SPEN: variants seen among roughly 807,000 people sequenced by gnomAD.
The protein encoded by SPEN is msx2-interacting protein.
In SPEN, 18 loss-of-function variants were observed where a neutral mutation model predicts 269.9. The observed-to-expected ratio is 0.07, with a 90% confidence interval of 0.05 to 0.10. The LOEUF is 0.10. Among genes scored for constraint, SPEN ranks in the 10% least tolerant of loss-of-function variants. The pLI, the probability that SPEN is intolerant of heterozygous loss-of-function variation, is 1.00. For missense variants in SPEN, 3,822 were observed against 4,631.2 expected (o/e 0.83, Z 5.07); for synonymous variants, 1,726 against 1,765.7 (o/e 0.98, Z 0.56).
Position 15,894,536 on chromosome 1 carries a change from GTTTTTTTTT to G in SPEN, c.882-14770_882-14762del, listed in dbSNP as rs766111268. Among the ~76,000 whole-genome samples the G allele has an allele frequency of 6.7e-3, 676 of 100,418 alleles. 6 individuals carry two copies. The highest frequency in any genetic ancestry group is 0.026 in the African/African-American group (630 of 23,972). The allele number at this position is 100,418 out of a possible 152,430, so 65.9% of individuals were successfully genotyped here. On this transcript the variant is annotated intron_variant, in intron 3 of 14. Transcript: ENST00000375759. The stretch of plus-strand genomic sequence containing the variant: ...ATCCTAAAACTACCATATTATGGTT[GTTTTTTTTT>G]TTTTTTTTTTTTTTGAGACGGAGTC...
chr1:15,856,769 T>C (rs1022661400), intron 1 of SPEN, among the ~76,000 whole-genome samples: 16 of 152,086 alleles, frequency 1.1e-4, no homozygotes, highest in African/African-American at 3.6e-4. Flanking sequence ...GGTTTCACCA[T>C]GTTGGCTAGG....
rs370972899 is a variant in SPEN at position 15,855,990 on chromosome 1, C to CCTTTTTTTTTTTTTTTTTTTTTTTTT, written c.83+7840_83+7841insCTTTTTTTTTTTTTTTTTTTTTTTTT. On this transcript the variant is annotated intron_variant, in intron 1 of 14. Transcript: ENST00000375759. Reference sequence around the variant, plus strand: ...TTATTGTGTGAAAAGGATGCTAGAACTTTTTTTTTTTTTTTTTTTTGAGAC... The same window carrying CCTTTTTTTTTTTTTTTTTTTTTTTTT: ...TTATTGTGTGAAAAGGATGCTAGAACCTTTTTTTTTTTTTTTTTTTTTTTTTTTTTTTTTTTTTTTTTTTTTGAGAC... 2.1e-4 allele frequency among the ~76,000 whole-genome samples: 6 copies of CCTTTTTTTTTTTTTTTTTTTTTTTTT among 28,220 alleles called. 3 individuals are homozygous for CCTTTTTTTTTTTTTTTTTTTTTTTTT. The highest frequency in any genetic ancestry group is 2.1e-4 in the African/African-American group (2 of 9,682). The allele number at this position is 28,220 out of a possible 152,430, so 18.5% of individuals were successfully genotyped here.
At chr1:15,926,371 T>C (rs1361161714) in intron 10 of SPEN, among the ~76,000 whole-genome samples, 1 of 148,228 alleles carries the variant, frequency 6.7e-6, no homozygotes, top group Non-Finnish European at 1.5e-5. Flanking sequence ...GCACTCCAGC[T>C]CAGATATATA....
intron 3 of SPEN, among the ~76,000 whole-genome samples, chr1:15,895,916 T>C (rs1409853896): frequency 6.6e-6 from 1 of 152,002 alleles, no homozygotes; most frequent in African/African-American, 2.4e-5. Context: ...ACTCCTGACC[T>C]CAGGTGATCC....
Position 15,931,920 on chromosome 1 carries a change from T to G in SPEN, c.5680T>G (p.Leu1894Val), listed in dbSNP as rs1175858172. The part of the protein sequence containing the change: ...AADLEHPEPS[L>V]PLSRTRRRNV... Reference sequence around the variant, plus strand: ...AGACCTTGAACATCCCGAACCAAGTTTGCCTCTCAGCCGAACAAGGCGCCG... The same window carrying G: ...AGACCTTGAACATCCCGAACCAAGTGTGCCTCTCAGCCGAACAAGGCGCCG... Residue 1894 changes from leucine to valine, a missense_variant, in exon 11 of 15, where the codon TTG becomes GTG. Coordinates refer to ENST00000375759, the MANE Select transcript of SPEN (RefSeq NM_015001.3). This position sits in a 1 kb window ranked among gnomAD's most constrained non-coding sequence, Gnocchi z 4.8. 1.9e-6 allele frequency: 3 copies of G among 1,614,060 alleles called. No homozygotes were observed. The highest frequency in any genetic ancestry group is 2.5e-6 in the Non-Finnish European group (3 of 1,180,026).
rs750054548 is a variant in SPEN at position 15,876,595 on chromosome 1, A to C, written c.798A>C (p.Thr266=). Residue 266 remains threonine, a synonymous_variant, in exon 3 of 15, where the codon ACA becomes ACC. Transcript: ENST00000375759. ...QRLASQASRP[T]RSPSGSGSRS... is the part of the protein sequence containing the mutation. ...TGGCTAGCCAAGCATCTAGACCCAC[A>C]AGGTCCCCTAGCGGCAGCGGCTCTA... 6.2e-7 allele frequency: 1 copy of C among 1,613,942 alleles called. No homozygotes were observed. Among genetic ancestry groups the C allele is most frequent in the Non-Finnish European group, 8.5e-7 (1 of 1,179,990 alleles).
chr1:15,918,156 A>C (rs1413379073), intron 6 of SPEN, among the ~76,000 whole-genome samples: 4 of 152,136 alleles, frequency 2.6e-5, no homozygotes, highest in Admixed American at 6.5e-5. Flanking sequence ...TTATTTATTT[A>C]TTTATTGATC....
In SPEN at chr1:15,933,020, G is replaced by A. The variant is rs762681683; in HGVS notation, c.6780G>A (p.Glu2260=). 1 of 1,614,128 alleles carries A rather than the reference G, an allele frequency of 6.2e-7. No homozygotes were observed. Among genetic ancestry groups the A allele is most frequent in the Non-Finnish European group, 8.5e-7 (1 of 1,179,968 alleles). The change falls in exon 11 of 15, where the codon GAG becomes GAA. Residue 2260 remains glutamate (E), a synonymous_variant. Coordinates refer to ENST00000375759, the MANE Select transcript of SPEN (RefSeq NM_015001.3). The surrounding 1 kb of genome is among the most constrained non-coding windows in gnomAD (Gnocchi z 5.7). Reference sequence around the variant, plus strand: ...GTGCACAGGCGCTGCAGCCTTCTGAGGAAGGAATGGAGACAGATGAGGCTG... The same window carrying A: ...GTGCACAGGCGCTGCAGCCTTCTGAAGAAGGAATGGAGACAGATGAGGCTG... ...PAGAQALQPS[E]EGMETDEAVS...
intron 3 of SPEN, among the ~76,000 whole-genome samples, chr1:15,908,944 A>G (rs936683303): frequency 6.6e-5 from 10 of 152,172 alleles, no homozygotes; most frequent in South Asian, 2.1e-4. Context: ...GACATGTGCT[A>G]TATGTCTGAT....
At chr1:15,895,945 A>T (rs553652607) in intron 3 of SPEN, among the ~76,000 whole-genome samples, 43 of 151,932 alleles carry the variant, frequency 2.8e-4, no homozygotes, top group African/African-American at 8.4e-4. Context: ...CGGCCTCCCA[A>T]AGTGCTGGGA....
chr1:15,905,595 A>T (rs1279205372), intron 3 of SPEN, among the ~76,000 whole-genome samples: 1 of 148,950 alleles, frequency 6.7e-6, no homozygotes, highest in Non-Finnish European at 1.5e-5. Context: ...TTTTTTTGAG[A>T]TGGAGTCTTG....
chr1:15,862,508 A>G (rs2070457963), intron 1 of SPEN, among the ~76,000 whole-genome samples: 2 of 151,994 alleles, frequency 1.3e-5, no homozygotes, highest in Admixed American at 1.3e-4. Context: ...AAGATTGTCT[A>G]AAATATTCAG....
At chr1:15,913,357 T>C (rs2071027183) in intron 5 of SPEN, among the ~76,000 whole-genome samples, 1 of 152,122 alleles carries the variant, frequency 6.6e-6, no homozygotes. Flanking sequence ...TGACTGGTTG[T>C]GAAGGTTAAG....
chr1:15,899,872 G>C (rs924363312), intron 3 of SPEN, among the ~76,000 whole-genome samples: 1 of 151,860 alleles, frequency 6.6e-6, no homozygotes, highest in African/African-American at 2.4e-5. Context: ...TTTTGAGAGA[G>C]AGTGTCACTG....
In SPEN at chr1:15,934,580, T is replaced by C. The variant is rs1271603958; in HGVS notation, c.8340T>C (p.Asn2780=). Residue 2780 remains asparagine, a synonymous_variant, in exon 11 of 15, where the codon AAT becomes AAC. Coordinates refer to ENST00000375759, the MANE Select transcript of SPEN (RefSeq NM_015001.3). The surrounding 1 kb of genome is among the most constrained non-coding windows in gnomAD (Gnocchi z 9.2). ...STKCKQRASA[N]ENSRFHPGSM... ...AGTGCAAACAGAGAGCGAGTGCTAA[T>C]GAAAACAGTCGGTTCCACCCAGGGT... 6.2e-7 allele frequency: 1 copy of C among 1,614,108 alleles called. No homozygotes were observed. The highest frequency in any genetic ancestry group is 1.1e-5 in the South Asian group (1 of 91,088).
At chr1:15,877,563 G>A (rs2070644095) in intron 3 of SPEN, among the ~76,000 whole-genome samples, 1 of 152,122 alleles carries the variant, frequency 6.6e-6, no homozygotes, top group Non-Finnish European at 1.5e-5. Context: ...AGAGTGCCCA[G>A]CCAAAAAGTT....
chr1:15,936,040 C>T lies in SPEN; in HGVS notation c.9800C>T (p.Ala3267Val). 7.3e-7 allele frequency: 1 copy of T among 1,378,366 alleles called. No individual in the cohort carries two copies. The highest frequency in any genetic ancestry group is 9.7e-7 in the Non-Finnish European group (1 of 1,034,104). 85.4% of individuals were successfully genotyped at this position (1,378,366 alleles called of 1,614,324 possible). ...PAPAPAPHGE[A>V]RILTVTPSNQ... ...CCTGCTCCTGCCCCTCATGGTGAGG[C>T]CCGTATCCTCACAGTTACCCCCAGT... Residue 3267 changes from alanine (A) to valine (V), a missense_variant, in exon 11 of 15, where the codon GCC (alanine) becomes GTC (valine). Around this residue, in one of 16 missense-constraint regions of SPEN, gnomAD observed 359 missense variants for 377.3 expected, o/e 0.95. Coordinates refer to ENST00000375759, the MANE Select transcript of SPEN (RefSeq NM_015001.3).
chr1:15,854,343 A>G (rs1363838433), intron 1 of SPEN, among the ~76,000 whole-genome samples: 5 of 152,174 alleles, frequency 3.3e-5, no homozygotes, highest in African/African-American at 9.7e-5. Flanking sequence ...TAAATTAACA[A>G]TCTTCTTTAC....
rs575456692 is a variant in SPEN at position 15,855,753 on chromosome 1, C to T, written c.83+7603C>T. The stretch of plus-strand genomic sequence containing the variant: ...TGGCAAGCACCTATAATCCCAGCTA[C>T]TCGGGAGGCTGAGGCAGGAGAATCG... On this transcript the variant is annotated intron_variant, in intron 1 of 14. Coordinates refer to ENST00000375759, the MANE Select transcript of SPEN (RefSeq NM_015001.3). 2.0e-5 allele frequency among the ~76,000 whole-genome samples: 3 copies of T among 151,534 alleles called. No homozygotes were observed. In the East Asian group the frequency reaches 5.9e-4, roughly 30 times the overall value.
Sources: gnomAD v4.1 joint callset for allele counts (sites outside exome capture counted in the v4.1 genomes callset) on GRCh38, gnomAD v4.1.1 for gene constraint, gnomAD v4.1.1 regional missense constraint, Gnocchi (gnomAD v3.1) non-coding constraint, MANE v1.5 for transcripts, NCBI Gene and HGNC (gene_info 2026-07-23, HGNC 2026-07-21) for gene names.